The following DNM3 variants were observed in gnomAD, a reference collection of about 807,000 sequenced individuals.
The protein encoded by DNM3 is dynamin-3.
In DNM3, 47 loss-of-function variants were observed where a neutral mutation model predicts 101.6. The ratio of observed to expected loss-of-function variants is 0.46; its 90% CI spans 0.37 to 0.59. The LOEUF is 0.59. DNM3 is among the 20% of genes least tolerant of loss of function. The pLI, the probability that DNM3 is intolerant of heterozygous loss-of-function variation, is 0.00. For missense variants in DNM3, 849 were observed against 1,085.7 expected (o/e 0.78, Z 3.06); for synonymous variants, 385 against 387.9 (o/e 0.99, Z 0.09).
At chr1:172,165,478 T>C (rs1361450148) in intron 14 of DNM3, among the ~76,000 whole-genome samples, 1 of 152,082 alleles carries the variant, frequency 6.6e-6, no homozygotes, top group Non-Finnish European at 1.5e-5. Flanking sequence ...TTCAAATTTG[T>C]TAGTCTTGGA....
chr1:171,977,917 T>G (rs2044497589), intron 2 of DNM3, among the ~76,000 whole-genome samples: 1 of 152,134 alleles, frequency 6.6e-6, no homozygotes, highest in African/African-American at 2.4e-5. Flanking sequence ...CCAGACTCAT[T>G]TTTAACTGAC....
chr1:172,305,576 C>CA (rs910770308), intron 15 of DNM3, among the ~76,000 whole-genome samples: 15 of 151,506 alleles, frequency 9.9e-5, no homozygotes, highest in Admixed American at 2.0e-4. Context: ...AGAGACACAA[C>CA]AAAAAAAAGA....
chr1:172,275,259 C>T (rs980056789), intron 15 of DNM3, among the ~76,000 whole-genome samples: 2 of 151,952 alleles, frequency 1.3e-5, no homozygotes, highest in African/African-American at 4.8e-5. Flanking sequence ...ATTAACTATA[C>T]CTCTAACACA....
Position 171,956,716 on chromosome 1 carries a change from C to G in DNM3, c.236-30940C>G, listed in dbSNP as rs1324600606. Among the ~76,000 whole-genome samples the G allele has an allele frequency of 2.0e-5, 3 of 152,310 alleles. No individual in the cohort carries two copies. The East Asian group carries it at 5.8e-4, about 29-fold the overall frequency. The stretch of plus-strand genomic sequence containing the variant: ...ACATTTCCCTTCCACACTGCCCCAG[C>G]AGAGGTTCTCCATGAGGGCCCTGCC... On this transcript the variant is annotated intron_variant, in intron 2 of 20. Coordinates refer to ENST00000627582, the MANE Select transcript of DNM3 (RefSeq NM_015569.5).
rs114641894 is a variant in DNM3, at chr1:172,189,374, G to A, written c.1659+58086G>A. Among the ~76,000 whole-genome samples the A allele has an allele frequency of 8.8e-3, 1,338 of 152,056 alleles. 17 individuals are homozygous for A. The highest frequency in any genetic ancestry group is 0.029 in the African/African-American group (1,199 of 41,482). On this transcript the variant is annotated intron_variant, in intron 14 of 20. Transcript: ENST00000627582. ...TCTATGTAAGTTTTACAAGCAGTTT[G>A]TTAATATCTACAAGATAACTTGCTA...
chr1:172,408,262 A>G lies in DNM3; in HGVS notation c.*421A>G, dbSNP rs984372894. Reference sequence around the variant, plus strand: ...TTTCCCACATTCTGTTTAGGATGACAGTAATTCTGTTGTCTACCATTAATG... The same window carrying G: ...TTTCCCACATTCTGTTTAGGATGACGGTAATTCTGTTGTCTACCATTAATG... On this transcript the variant is annotated 3_prime_UTR_variant, in exon 21 of 21. Coordinates refer to ENST00000627582, the MANE Select transcript of DNM3 (RefSeq NM_015569.5). 1 of 993,638 alleles carries G rather than the reference A, an allele frequency of 1.0e-6. No homozygotes were observed. The highest frequency in any genetic ancestry group is 1.2e-6 in the Non-Finnish European group (1 of 834,826). The allele number at this position is 993,638 out of a possible 1,614,324, so 61.6% of individuals were successfully genotyped here.
intron 1 of DNM3, among the ~76,000 whole-genome samples, chr1:171,892,674 G>A (rs1051778039): frequency 1.3e-5 from 2 of 152,130 alleles, no homozygotes; most frequent in Admixed American, 6.5e-5. Context: ...ATCCCCAGAG[G>A]CAAGAACTTT....
chr1:171,874,499 T>C (rs1017099708), intron 1 of DNM3, among the ~76,000 whole-genome samples: 1 of 152,146 alleles, frequency 6.6e-6, no homozygotes, highest in Non-Finnish European at 1.5e-5. Context: ...AGTGGTAGAG[T>C]TGATGAAATT....
At chr1:172,186,864 C>G (rs2059545702) in intron 14 of DNM3, among the ~76,000 whole-genome samples, 2 of 152,014 alleles carry the variant, frequency 1.3e-5, no homozygotes, top group African/African-American at 4.8e-5. Context: ...CTGAAGACTC[C>G]CCCATCTTGA....
intron 1 of DNM3, among the ~76,000 whole-genome samples, chr1:171,919,389 G>A (rs746053174): frequency 3.3e-5 from 5 of 152,094 alleles, no homozygotes; most frequent in Non-Finnish European, 7.3e-5. Context: ...TCCCACTTAT[G>A]AGTGAGAACA....
intron 17 of DNM3, among the ~76,000 whole-genome samples, chr1:172,356,708 T>C (rs2067471134): frequency 1.3e-5 from 2 of 152,110 alleles, no homozygotes; most frequent in Admixed American, 6.6e-5. Flanking sequence ...GTACAGGACC[T>C]TTGTTTCTCT....
chr1:172,400,670 C>T (rs1184092806), intron 20 of DNM3, among the ~76,000 whole-genome samples: 1 of 152,104 alleles, frequency 6.6e-6, no homozygotes, highest in African/African-American at 2.4e-5. Context: ...AAGTTAATCT[C>T]GGAAAGTAAT....
chr1:172,065,047 T>C (rs950106829), intron 10 of DNM3, among the ~76,000 whole-genome samples: 1 of 152,194 alleles, frequency 6.6e-6, no homozygotes, highest in East Asian at 1.9e-4. Context: ...CACAAATCAA[T>C]GCTCCTGCCA....
chr1:172,370,119 ACT>A (rs2068246456), intron 17 of DNM3: 1 of 151,884 alleles, frequency 6.6e-6, no homozygotes, highest in African/African-American at 2.4e-5. Context: ...GGGGGACACA[ACT>A]CAACTCATAA....
At chr1:172,129,006 C>G (rs575951549) in intron 13 of DNM3, among the ~76,000 whole-genome samples, 1 of 152,058 alleles carries the variant, frequency 6.6e-6, no homozygotes, top group African/African-American at 2.4e-5. Flanking sequence ...GTAGTTTTAA[C>G]GAGAAAATAA....
intron 17 of DNM3, among the ~76,000 whole-genome samples, chr1:172,355,776 G>A (rs983147450): frequency 6.6e-6 from 1 of 152,126 alleles, no homozygotes; most frequent in Non-Finnish European, 1.5e-5. Context: ...GGACACGAAG[G>A]ACAGGCTGTG....
intron 1 of DNM3, among the ~76,000 whole-genome samples, chr1:171,860,299 A>AAGTATATATATAC (rs2034038260): frequency 6.6e-6 from 1 of 152,134 alleles, no homozygotes; most frequent in South Asian, 2.1e-4. Flanking sequence ...TCAACTATAA[A>AAGTATATATATAC]TTTTGTGAAC....
chr1:172,132,806 C>G, intron 14 of DNM3: 3 of 702,954 alleles, frequency 4.3e-6, no homozygotes, highest in Non-Finnish European at 7.8e-6. Context: ...ACTACTATCC[C>G]TATTGTTGAT....
intron 2 of DNM3, chr1:171,970,011 A>C (rs2043874302): frequency 6.6e-6 from 1 of 152,350 alleles, no homozygotes; most frequent in South Asian, 2.1e-4. Context: ...GAGTTAGTAA[A>C]TATAGAAGTC....
Sources: gnomAD v4.1 joint callset for allele counts (sites outside exome capture counted in the v4.1 genomes callset) on GRCh38, gnomAD v4.1.1 for gene constraint, MANE v1.5 for transcripts, NCBI Gene and HGNC (gene_info 2026-07-23, HGNC 2026-07-21) for gene names.